The following ITGA6 variants were observed in gnomAD, a reference collection of about 807,000 sequenced individuals.
ITGA6 encodes the protein integrin alpha-6.
ITGA6 carries 63 observed loss-of-function variants against 133.6 expected under a neutral mutation model. The ratio of observed to expected loss-of-function variants is 0.47; its 90% CI spans 0.38 to 0.58. The LOEUF is 0.58. Among genes scored for constraint, ITGA6 ranks in the 20% least tolerant of loss-of-function variants. ITGA6 has a pLI of 0.00. For synonymous variants in ITGA6, 434 were observed against 482.0 expected (o/e 0.90, Z 1.30); for missense variants, 1,068 against 1,309.4 (o/e 0.82, Z 2.85).
intron 4 of ITGA6, among the ~76,000 whole-genome samples, chr2:172,470,590 T>C (rs1247905108): frequency 6.6e-6 from 1 of 152,188 alleles, no homozygotes; most frequent in African/African-American, 2.4e-5. Flanking sequence ...GTCTCACTTT[T>C]ACACTGCAAA....
intron 1 of ITGA6, among the ~76,000 whole-genome samples, chr2:172,440,459 A>G (rs947416447): frequency 1.3e-5 from 2 of 152,200 alleles, no homozygotes; most frequent in Non-Finnish European, 2.9e-5. Context: ...CAGTATTGTT[A>G]AGTATATTCA....
rs755151257 is a variant in ITGA6 at position 172,465,615 on chromosome 2, G to A, written c.259G>A (p.Asp87Asn). ...CAGAACGGGAGGGCTGTACAGCTGCGACATCACCGCCCGGGGGCCATGCAC... is the reference window on the plus strand; with the variant it reads ...CAGAACGGGAGGGCTGTACAGCTGCAACATCACCGCCCGGGGGCCATGCAC... ...ANRTGGLYSC[D>N]ITARGPCTRI... Residue 87 changes from aspartate to asparagine, a missense_variant, in exon 2 of 26, where the codon GAC (aspartate) becomes AAC (asparagine). By Grantham distance (23) the Asp-to-Asn change is conservative (BLOSUM62 1). Transcript: ENST00000684293. 5 of 1,614,258 alleles carry A rather than the reference G, an allele frequency of 3.1e-6. No homozygotes were observed. Among genetic ancestry groups the A allele is most frequent in the Admixed American group, 1.7e-5 (1 of 60,028 alleles).
At chr2:172,468,879 A>G (rs1488742442) in intron 3 of ITGA6, 9 of 459,856 alleles carry the variant, frequency 2.0e-5, no homozygotes, top group South Asian at 1.7e-4. Flanking sequence ...TTGTCATTCA[A>G]TTTTGGATTG....
At chr2:172,497,646 T>C (rs764528403) in intron 23 of ITGA6, among the ~76,000 whole-genome samples, 1 of 152,156 alleles carries the variant, frequency 6.6e-6, no homozygotes, top group Non-Finnish European at 1.5e-5. Flanking sequence ...ATATTGATAA[T>C]TGCTGGAACA....
chr2:172,448,285 A>G (rs1684847111), intron 1 of ITGA6, among the ~76,000 whole-genome samples: 1 of 152,042 alleles, frequency 6.6e-6, no homozygotes, highest in Admixed American at 6.6e-5. Flanking sequence ...TTTAATGAGT[A>G]AACTGGGGTG....
chr2:172,465,144 C>A, intron 1 of ITGA6: 3 of 284,430 alleles, frequency 1.1e-5, no homozygotes, highest in South Asian at 3.7e-5. Flanking sequence ...TTAGTGTGGC[C>A]ATTTTTTCCT....
chr2:172,443,188 G>A (rs1183444764), intron 1 of ITGA6, among the ~76,000 whole-genome samples: 1 of 152,106 alleles, frequency 6.6e-6, no homozygotes. Flanking sequence ...TTGCCATGTA[G>A]ATTCTTTTGC....
intron 17 of ITGA6, 51 bp downstream of exon 17, chr2:172,487,858 G>A: frequency 6.7e-7 from 1 of 1,488,480 alleles, no homozygotes; most frequent in Non-Finnish European, 9.4e-7. Flanking sequence ...GAAAATATGG[G>A]CAGTCAATGA....
At chr2:172,490,667 G>A (rs558653782) in intron 20 of ITGA6, 1 of 287,070 alleles carries the variant, frequency 3.5e-6, no homozygotes, top group East Asian at 9.3e-5. Context: ...TGACTACCAT[G>A]TTTTAGGAAC....
intron 23 of ITGA6, among the ~76,000 whole-genome samples, chr2:172,495,069 C>T (rs765905160): frequency 6.6e-5 from 10 of 152,132 alleles, no homozygotes; most frequent in Middle Eastern, 3.4e-3. Context: ...GTAAAAGATA[C>T]GAAAATCCCT....
At position 172,470,996 on chromosome 2, in the gene ITGA6, G is replaced by A. The variant is rs779777573; in HGVS notation, c.666G>A (p.Lys222=). The A allele has an allele frequency of 6.2e-7, 1 of 1,613,696 alleles. No individual in the cohort carries two copies. ...TAGGGATTGTTCGTGTAGAGCAAAA[G>A]AATAACACTTTTTTTGACATGAACA... ...NWKGIVRVEQ[K]NNTFFDMNIF... Residue 222 remains lysine, a synonymous_variant, in exon 5 of 26, where the codon AAG becomes AAA. Coordinates refer to ENST00000684293, the MANE Select transcript of ITGA6 (RefSeq NM_000210.4).
chr2:172,459,429 G>A (rs1204777621), intron 1 of ITGA6, among the ~76,000 whole-genome samples: 9 of 152,146 alleles, frequency 5.9e-5, no homozygotes, highest in African/African-American at 1.9e-4. Flanking sequence ...ACTTGAACCC[G>A]GGAGGCAAAG....
At chr2:172,497,085 G>C (rs1454571732) in intron 23 of ITGA6, among the ~76,000 whole-genome samples, 1 of 152,136 alleles carries the variant, frequency 6.6e-6, no homozygotes, top group East Asian at 1.9e-4. Flanking sequence ...AAGGTAAAAT[G>C]GTGTCCATCA....
chr2:172,505,580 A>G lies in ITGA6; in HGVS notation c.*1512A>G, dbSNP rs934035605. 6.6e-6 allele frequency: 1 copy of G among 152,514 alleles called. No individual in the cohort carries two copies. Among genetic ancestry groups the G allele is most frequent in the African/African-American group, 2.4e-5 (1 of 41,400 alleles). The allele number at this position is 152,514 out of a possible 1,614,324, so 9.4% of individuals were successfully genotyped here. A position where few individuals can be genotyped will look rare whatever the true frequency, so the allele number is the denominator to read the frequency against. On this transcript the variant is annotated 3_prime_UTR_variant, in exon 26 of 26. Coordinates refer to ENST00000684293, the MANE Select transcript of ITGA6 (RefSeq NM_000210.4). ...AGAGACTGAATAGATATGAAAGCTG[A>G]TTTTTTTTAATTACCATGCTTCACA...
rs1011123874 is a variant in ITGA6 at position 172,435,298 on chromosome 2, C to T, written c.182+7328C>T. Among the ~76,000 whole-genome samples, 3 of 152,128 alleles carry T rather than the reference C, an allele frequency of 2.0e-5. No individual in the cohort carries two copies. In the East Asian group the frequency reaches 5.8e-4, roughly 29 times the overall value. ...GGTAGGGATGCCCCATTCAGCAGCA[C>T]TGAGAGTTTGGAGTTGTTCTGTTCT... On this transcript the variant is annotated intron_variant, in intron 1 of 25. Transcript: ENST00000684293.
chr2:172,433,878 G>A (rs756750676), intron 1 of ITGA6, among the ~76,000 whole-genome samples: 5 of 152,164 alleles, frequency 3.3e-5, no homozygotes, highest in Non-Finnish European at 5.9e-5. Flanking sequence ...AGAGATGAGT[G>A]GACAGATGGG....
intron 6 of ITGA6, among the ~76,000 whole-genome samples, chr2:172,474,635 C>A (rs1224760775): frequency 6.6e-6 from 1 of 152,148 alleles, no homozygotes; most frequent in African/African-American, 2.4e-5. Flanking sequence ...AAGTAAAAAA[C>A]AGATATGTGG....
chr2:172,478,482 G>T (rs897511907), intron 9 of ITGA6, among the ~76,000 whole-genome samples: 1 of 152,142 alleles, frequency 6.6e-6, no homozygotes, highest in African/African-American at 2.4e-5. Context: ...ATGGAGGTGG[G>T]CCTCCTCACC....
At chr2:172,427,478 G>T, upstream of ITGA6, 1 of 1,080,332 alleles carries the variant, frequency 9.3e-7, no homozygotes, top group East Asian at 6.7e-5. Context: ...CGGGTAAGGT[G>T]CGGGCGGTGC....
Sources: allele counts gnomAD v4.1 joint callset (sites outside exome capture counted in the v4.1 genomes callset), GRCh38; gene constraint gnomAD v4.1.1; transcripts MANE v1.5; gene names NCBI Gene and HGNC (gene_info 2026-07-23, HGNC 2026-07-21).